Variants in CEP112 observed in about 807,000 individuals in gnomAD.
CEP112 encodes the protein centrosomal protein 112.
CEP112 carries 127 observed loss-of-function variants against 153.0 expected under a neutral mutation model. The observed-to-expected ratio is 0.83, with a 90% CI of 0.72 to 0.96. The LOEUF is 0.96. Among genes scored for constraint, CEP112 ranks in the 40% least tolerant of loss-of-function variants. The pLI is 0.00. For synonymous variants in CEP112, 358 were observed against 374.4 expected (o/e 0.96, Z 0.51); for missense variants, 1,089 against 1,101.2 (o/e 0.99, Z 0.16).
chr17:65,723,984 G>C (rs1214486610), intron 23 of CEP112, among the ~76,000 whole-genome samples: 2 of 152,176 alleles, frequency 1.3e-5, no homozygotes, highest in Non-Finnish European at 2.9e-5. Context: ...TAGGTGGTTA[G>C]AGGGCTTTAT....
chr17:65,951,339 C>T (rs919030410), intron 18 of CEP112, among the ~76,000 whole-genome samples: 9 of 152,018 alleles, frequency 5.9e-5, no homozygotes, highest in African/African-American at 2.2e-4. Flanking sequence ...TGATGTAATT[C>T]GCCAGTGAAG....
chr17:66,063,011 C>A lies in CEP112; in HGVS notation c.1026G>T (p.Lys342Asn), dbSNP rs746110088. 15 of 1,600,590 alleles carry A rather than the reference C, an allele frequency of 9.4e-6. No homozygotes were observed. The highest frequency in any genetic ancestry group is 1.3e-5 in the Non-Finnish European group (15 of 1,174,060). The change falls in exon 11 of 27, where the codon AAG becomes AAT. Residue 342 changes from lysine to asparagine, a missense_variant. By Grantham distance (94) the Lys-to-Asn change is moderately conservative (BLOSUM62 0). Coordinates refer to ENST00000535342, the MANE Select transcript of CEP112 (RefSeq NM_001199165.4). ...TKEDQIAELK[K>N]ICEQSTESLN... ...GAGATTCCGTACTTTGTTCACATAT[C>A]TTTTTCAGCTCTGCAATCTGGTCTT...
At chr17:65,827,423 TCTTA>T (rs1410974751) in intron 21 of CEP112, among the ~76,000 whole-genome samples, 3 of 152,170 alleles carry the variant, frequency 2.0e-5, no homozygotes, top group African/African-American at 4.8e-5. Flanking sequence ...TCATATTTAC[TCTTA>T]CTTAAAGTAT....
At chr17:65,970,005 C>T (rs1342919630) in intron 17 of CEP112, among the ~76,000 whole-genome samples, 3 of 152,162 alleles carry the variant, frequency 2.0e-5, no homozygotes, top group Non-Finnish European at 2.9e-5. Context: ...ACACATATCA[C>T]ATGTGTATTG....
chr17:65,696,812 A>T (rs2048380628), intron 23 of CEP112, among the ~76,000 whole-genome samples: 1 of 152,134 alleles, frequency 6.6e-6, no homozygotes, highest in Non-Finnish European at 1.5e-5. Context: ...CAAAACATTG[A>T]AAAAAGAAAA....
chr17:66,107,960 T>C lies in CEP112; in HGVS notation c.643-11328A>G, dbSNP rs138183649. The stretch of plus-strand genomic sequence containing the variant: ...GCATAAAAACAGACACACACACCAA[T>C]GGAGTAGGATAGAGAACCCAGAAGT... On this transcript the variant is annotated intron_variant, in intron 6 of 26. Transcript: ENST00000535342. Among the ~76,000 whole-genome samples the C allele has an allele frequency of 7.2e-5, 11 of 152,120 alleles. 1 individual carries two copies. The East Asian group carries it at 2.1e-3, about 29-fold the overall frequency.
chr17:65,842,412 A>G (rs1404049161), intron 21 of CEP112, among the ~76,000 whole-genome samples: 1 of 152,146 alleles, frequency 6.6e-6, no homozygotes, highest in Non-Finnish European at 1.5e-5. Context: ...GCCAGAAAAT[A>G]AAGTGCTCTT....
chr17:65,954,342 T>C (rs1235281262), intron 18 of CEP112, among the ~76,000 whole-genome samples: 2 of 152,096 alleles, frequency 1.3e-5, no homozygotes, highest in African/African-American at 4.8e-5. Flanking sequence ...GAGCACCCCA[T>C]AGGACAAAAG....
intron 4 of CEP112, among the ~76,000 whole-genome samples, chr17:66,158,902 T>C (rs1452720734): frequency 6.6e-6 from 1 of 152,066 alleles, no homozygotes; most frequent in Admixed American, 6.5e-5. Flanking sequence ...AAAAAATCAA[T>C]GAATCCAGGA....
chr17:65,674,692 A>G (rs776203145), intron 24 of CEP112, among the ~76,000 whole-genome samples: 69 of 152,238 alleles, frequency 4.5e-4, no homozygotes, highest in Non-Finnish European at 9.0e-4. Flanking sequence ...AGGCTATTCA[A>G]GATTACAAGT....
At chr17:65,688,902 G>C in intron 24 of CEP112, 1 of 358,166 alleles carries the variant, frequency 2.8e-6, no homozygotes. Flanking sequence ...CAAGTAACTG[G>C]GATTACAGGC....
chr17:65,679,129 CTTTTTT>C, intron 24 of CEP112, among the ~76,000 whole-genome samples: 1 of 31,624 alleles, frequency 3.2e-5, no homozygotes, highest in Non-Finnish European at 6.0e-5. Flanking sequence ...GTGGTTCAAG[CTTTTTT>C]TTTTTTTTTT....
At chr17:65,825,327 A>C (rs994659976) in intron 21 of CEP112, among the ~76,000 whole-genome samples, 5 of 152,198 alleles carry the variant, frequency 3.3e-5, no homozygotes, top group African/African-American at 1.2e-4. Flanking sequence ...CAACATTTCC[A>C]CAGGATGAGG....
chr17:66,000,192 A>G (rs1035297070), intron 17 of CEP112, among the ~76,000 whole-genome samples: 5 of 151,904 alleles, frequency 3.3e-5, no homozygotes, highest in Admixed American at 1.3e-4. Flanking sequence ...CCAACAGTGT[A>G]TAAGTGTTCC....
At chr17:65,975,876 G>C (rs1255058845) in intron 17 of CEP112, among the ~76,000 whole-genome samples, 1 of 152,152 alleles carries the variant, frequency 6.6e-6, no homozygotes, top group Non-Finnish European at 1.5e-5. Flanking sequence ...GGGAAGGAGA[G>C]AGAAAAAACC....
chr17:65,748,605 C>T (rs969666917), intron 22 of CEP112, among the ~76,000 whole-genome samples: 3 of 152,148 alleles, frequency 2.0e-5, no homozygotes, highest in African/African-American at 7.2e-5. Context: ...AGGTACTATA[C>T]TGAACACATT....
chr17:66,000,442 C>T (rs1175333545), intron 17 of CEP112, among the ~76,000 whole-genome samples: 2 of 149,386 alleles, frequency 1.3e-5, no homozygotes, highest in African/African-American at 4.9e-5. Context: ...GGTGAGGCAG[C>T]TGCTTTCTCC....
chr17:65,945,065 T>A (rs1256598794), intron 18 of CEP112, among the ~76,000 whole-genome samples: 1 of 152,220 alleles, frequency 6.6e-6, no homozygotes, highest in East Asian at 1.9e-4. Flanking sequence ...TACCTCTCCA[T>A]CCAAGAATAA....
chr17:65,933,373 G>A (rs1027223894), intron 18 of CEP112, among the ~76,000 whole-genome samples: 1 of 152,162 alleles, frequency 6.6e-6, no homozygotes, highest in South Asian at 2.1e-4. Context: ...GACAGTTCAC[G>A]AAGACACATC....
Sources: allele counts gnomAD v4.1 joint callset (sites outside exome capture counted in the v4.1 genomes callset), GRCh38; gene constraint gnomAD v4.1.1; transcripts MANE v1.5; gene names NCBI Gene and HGNC (gene_info 2026-07-23, HGNC 2026-07-21).